Variants in ZNF229 observed in about 807,000 individuals in gnomAD.
The protein encoded by ZNF229 is zinc finger protein 229.
A neutral mutation model predicts 11.8 loss-of-function variants in ZNF229; 10 were observed. That is an observed-to-expected ratio of 0.85 (90% confidence interval 0.52 to 1.44). The LOEUF is 1.44. ZNF229 is among the 40% of genes most tolerant of loss of function. The pLI, the probability that ZNF229 is intolerant of heterozygous loss-of-function variation, is 0.00. For synonymous variants in ZNF229, 368 were observed against 374.8 expected (o/e 0.98, Z 0.21); for missense variants, 1,045 against 1,015.1 (o/e 1.03, Z -0.40).
In ZNF229 at chr19:44,429,464, G is replaced by C. The variant is rs1011484561; in HGVS notation, c.1317C>G (p.Gly439=). 6.2e-7 allele frequency: 1 copy of C among 1,613,206 alleles called. No individual in the cohort carries two copies. The highest frequency in any genetic ancestry group is 1.7e-5 in the Admixed American group (1 of 59,968). Residue 439 remains glycine, a synonymous_variant, in exon 6 of 6, where the codon GGC becomes GGG. Coordinates refer to ENST00000614049, the MANE Select transcript of ZNF229 (RefSeq NM_014518.4). ...GTGCAGACTTGGCACAGAAGCCTTT[G>C]CCACACTCGCTGCAGGTGTAGGGCT... ...GEKPYTCSEC[G]KGFCAKSALH... is the part of the protein sequence containing the mutation.
intron 4 of ZNF229, among the ~76,000 whole-genome samples, chr19:44,433,991 T>C (rs572012622): frequency 6.6e-6 from 1 of 152,286 alleles, no homozygotes; most frequent in South Asian, 2.1e-4. Context: ...ATGGTCTCGA[T>C]CTCCTGAACT....
chr19:44,442,126 CTT>C (rs1202759985), intron 4 of ZNF229, among the ~76,000 whole-genome samples: 4 of 114,706 alleles, frequency 3.5e-5, no homozygotes, highest in Non-Finnish European at 7.3e-5. Flanking sequence ...ATATGTTTTT[CTT>C]TTTTTAACTT....
intron 5 of ZNF229, chr19:44,431,738 CCA>C (rs1258014695): frequency 1.0e-6 from 1 of 985,738 alleles, no homozygotes; most frequent in Non-Finnish European, 1.2e-6. Context: ...GCTCTTGTCT[CCA>C]AGACCTCTAG....
Position 44,442,555 on chromosome 19 carries a change from C to A in ZNF229, c.93+8G>T, listed in dbSNP as rs767200025. 116 of 1,613,730 alleles carry A rather than the reference C, an allele frequency of 7.2e-5. No individual in the cohort carries two copies. In the East Asian group the frequency reaches 2.6e-3, roughly 36 times the overall value. On this transcript the variant is annotated splice_region_variant and intron_variant, in intron 4 of 5. Coordinates refer to ENST00000614049, the MANE Select transcript of ZNF229 (RefSeq NM_014518.4). ...TGGTATTTCGGGAGAGAAAAGAAAA[C>A]AACCCACCTGAGACATGATCTTCTC...
chr19:44,434,854 G>C (rs978307372), intron 4 of ZNF229, among the ~76,000 whole-genome samples: 2 of 152,142 alleles, frequency 1.3e-5, no homozygotes, highest in Non-Finnish European at 2.9e-5. Flanking sequence ...ATCTTAAATT[G>C]TAGCTCCCAT....
Position 44,427,377 on chromosome 19 carries a change from C to T in ZNF229, c.*926G>A, listed in dbSNP as rs1971596838. Reference sequence around the variant, plus strand: ...AACTATGAAATGAACTGGAGCAAAACCATTATATTCATGACAGCAATAAAA... The same window carrying T: ...AACTATGAAATGAACTGGAGCAAAATCATTATATTCATGACAGCAATAAAA... On this transcript the variant is annotated 3_prime_UTR_variant, in exon 6 of 6. Coordinates refer to ENST00000614049, the MANE Select transcript of ZNF229 (RefSeq NM_014518.4). 6.6e-6 allele frequency: 1 copy of T among 151,290 alleles called. No individual in the cohort carries two copies. 9.4% of individuals were successfully genotyped at this position (151,290 alleles called of 1,614,324 possible). A position where few individuals can be genotyped will look rare whatever the true frequency, so the allele number is the denominator to read the frequency against.
intron 4 of ZNF229, among the ~76,000 whole-genome samples, chr19:44,434,150 T>C (rs1971772140): frequency 1.3e-5 from 2 of 152,134 alleles, no homozygotes; most frequent in African/African-American, 4.8e-5. Flanking sequence ...GACTTGTAGA[T>C]TGCCAAATTT....
chr19:44,428,161 C>T lies in ZNF229; in HGVS notation c.*142G>A. On this transcript the variant is annotated 3_prime_UTR_variant, in exon 6 of 6. Transcript: ENST00000614049. ...TATTTATCACACATCCAGGTGTTCC[C>T]TTCCTATGCAGACTAGAAAATGTAA... is the stretch of plus-strand genomic sequence containing the variant. 1.1e-6 allele frequency: 1 copy of T among 920,258 alleles called. No individual in the cohort carries two copies. The allele number at this position is 920,258 out of a possible 1,614,324, so 57.0% of individuals were successfully genotyped here. A position where few individuals can be genotyped will look rare whatever the true frequency, so the allele number is the denominator to read the frequency against.
chr19:44,444,832 C>A (rs1051210993), intron 2 of ZNF229, among the ~76,000 whole-genome samples: 1 of 152,172 alleles, frequency 6.6e-6, no homozygotes, highest in Non-Finnish European at 1.5e-5. Flanking sequence ...CCAGAGACTT[C>A]CGGTGGGTAA....
At chr19:44,444,241 C>CTTTCCTCTTGAA (rs1288811434) in intron 2 of ZNF229, among the ~76,000 whole-genome samples, 1 of 152,182 alleles carries the variant, frequency 6.6e-6, no homozygotes, top group East Asian at 1.9e-4. Context: ...TGCCTGGCCT[C>CTTTCCTCTTGAA]TTTCCTCTTG....
In ZNF229 at chr19:44,429,364, T is replaced by C; in HGVS notation, c.1417A>G (p.Ser473Gly). Residue 473 changes from serine to glycine, a missense_variant, in exon 6 of 6, where the codon AGC (serine) becomes GGC (glycine). Transcript: ENST00000614049. The stretch of plus-strand genomic sequence containing the variant: ...TTCTGATGACTGCTGAGGTGGGAGC[T>C]GCAGCTGAATCCCTTTCCACACTCG... ...CGECGKGFSC[S>G]SHLSSHQKTH... The C allele has an allele frequency of 6.2e-7, 1 of 1,614,052 alleles. No homozygotes were observed. Among genetic ancestry groups the C allele is most frequent in the Non-Finnish European group, 8.5e-7 (1 of 1,179,974 alleles).
intron 4 of ZNF229, among the ~76,000 whole-genome samples, chr19:44,437,629 A>T (rs1452934062): frequency 2.0e-5 from 3 of 152,248 alleles, no homozygotes; most frequent in African/African-American, 7.2e-5. Flanking sequence ...ATATACCCAA[A>T]GGAATATAAA....
intron 2 of ZNF229, among the ~76,000 whole-genome samples, chr19:44,446,517 T>TAC (rs1290977371): frequency 2.6e-5 from 4 of 152,228 alleles, no homozygotes; most frequent in Non-Finnish European, 4.4e-5. Context: ...TTTTCTCTCT[T>TAC]TCACACACAC....
At position 44,429,561 on chromosome 19, in the gene ZNF229, C is replaced by A. The variant is rs1346625920; in HGVS notation, c.1220G>T (p.Cys407Phe). The A allele has an allele frequency of 3.1e-6, 5 of 1,613,764 alleles. No homozygotes were observed. The highest frequency in any genetic ancestry group is 2.2e-5 in the East Asian group (1 of 44,858). Residue 407 changes from cysteine (C) to phenylalanine (F), a missense_variant, in exon 6 of 6, where the codon TGC (cysteine) becomes TTC (phenylalanine). Transcript: ENST00000614049. ...ACTGAAGCCCTTCCCACACTCGCTG[C>A]ATTTATATGGTTTCTCTCCAGTGTG... Reference protein sequence around the residue: ...RVHTGEKPYKCSECGKGFSYS... With the variant: ...RVHTGEKPYKFSECGKGFSYS...
chr19:44,439,492 G>A (rs905195982), intron 4 of ZNF229, among the ~76,000 whole-genome samples: 2 of 152,102 alleles, frequency 1.3e-5, no homozygotes, highest in Non-Finnish European at 2.9e-5. Flanking sequence ...CGCCCAGGCT[G>A]GAGTGCAGTG....
At position 44,428,385 on chromosome 19, in the gene ZNF229, C is replaced by T. The variant is rs1340325463; in HGVS notation, c.2396G>A (p.Gly799Asp). ...VHTGEKPYTC[G>D]VCGKGFSYTS... The stretch of plus-strand genomic sequence containing the variant: ...ATAACTGAAGCCTTTCCCACACACA[C>T]CACACGTATAGGGCTTCTCTCCAGT... The change falls in exon 6 of 6, where the codon GGT becomes GAT. Residue 799 changes from glycine (G) to aspartate (D), a missense_variant. By Grantham distance (94) the Gly-to-Asp change is moderately conservative. Coordinates refer to ENST00000614049, the MANE Select transcript of ZNF229 (RefSeq NM_014518.4). 1.9e-6 allele frequency: 3 copies of T among 1,613,914 alleles called. No individual in the cohort carries two copies. The highest frequency in any genetic ancestry group is 1.7e-6 in the Non-Finnish European group (2 of 1,180,010).
rs1971627831 is a variant in ZNF229, at chr19:44,428,559, C to G, written c.2222G>C (p.Arg741Thr). ...ATAGCCCTTCCCACACACGTGGCAT[C>G]TGTATGGCTTCTCGCCAGTGTGCAC... ...KRVHTGEKPY[R>T]CHVCGKGYSQ... Residue 741 changes from arginine to threonine, a missense_variant, in exon 6 of 6, where the codon AGA (arginine) becomes ACA (threonine). Transcript: ENST00000614049. The G allele has an allele frequency of 1.2e-6, 2 of 1,610,886 alleles. No homozygotes were observed. The highest frequency in any genetic ancestry group is 4.6e-5 in the East Asian group (2 of 43,756).
At chr19:44,432,148 T>C in intron 5 of ZNF229, 74 bp downstream of exon 5, 1 of 1,533,270 alleles carries the variant, frequency 6.5e-7, no homozygotes, top group South Asian at 1.3e-5. Context: ...AAATAGGATT[T>C]AACCTGTGTA....
At chr19:44,432,847 A>G (rs974799390) in intron 4 of ZNF229, among the ~76,000 whole-genome samples, 1 of 152,074 alleles carries the variant, frequency 6.6e-6, no homozygotes, top group Non-Finnish European at 1.5e-5. Context: ...TAATAATAAT[A>G]AAATTAAATA....
Sources: gnomAD v4.1 joint callset for allele counts (sites outside exome capture counted in the v4.1 genomes callset) on GRCh38, gnomAD v4.1.1 for gene constraint, MANE v1.5 for transcripts, NCBI Gene and HGNC (gene_info 2026-07-23, HGNC 2026-07-21) for gene names.